The following CDH8 variants were observed in gnomAD, a reference collection of about 807,000 sequenced individuals.
CDH8 encodes the protein cadherin 8, also known as cadherin-8.
Under a neutral mutation model 68.1 loss-of-function variants are expected in CDH8, and 17 were observed. The ratio of observed to expected loss-of-function variants is 0.25; its 90% CI spans 0.17 to 0.37. CDH8 has a LOEUF of 0.37. CDH8 is among the 10% of genes least tolerant of loss of function. The pLI, the probability that CDH8 is intolerant of heterozygous loss-of-function variation, is 1.00. For synonymous variants in CDH8, 372 were observed against 365.1 expected, an observed-to-expected ratio of 1.02 and a Z score of -0.21; for missense variants, 763 against 999.3, an observed-to-expected ratio of 0.76 and a Z score of 3.19.
At chr16:61,810,791 A>T (rs1961925010) in intron 7 of CDH8, among the ~76,000 whole-genome samples, 1 of 152,066 alleles carries the variant, frequency 6.6e-6, no homozygotes, top group Non-Finnish European at 1.5e-5. Context: ...TGGGAGGCCG[A>T]GGGGGGCGGA....
chr16:61,653,788 T>A lies in CDH8; in HGVS notation c.2220A>T (p.Pro740=), dbSNP rs759914798. 4 of 1,614,104 alleles carry A rather than the reference T, an allele frequency of 2.5e-6. No homozygotes were observed. Among genetic ancestry groups the A allele is most frequent in the Non-Finnish European group, 3.4e-6 (4 of 1,180,046 alleles). The stretch of plus-strand genomic sequence containing the variant: ...AGCCATATATCTGAATGGAGTCATA[T>A]GGCGGGGCCGTGGGATCATTATCTG... The part of the protein sequence containing the change: ...HEADNDPTAP[P]YDSIQIYGYE... Residue 740 remains proline, a synonymous_variant, in exon 12 of 12, where the codon CCA becomes CCT. Transcript: ENST00000577390.
chr16:61,703,228 G>C (rs1226391770), intron 10 of CDH8, among the ~76,000 whole-genome samples: 1 of 152,032 alleles, frequency 6.6e-6, no homozygotes, highest in African/African-American at 2.4e-5. Context: ...TGTAGAATAC[G>C]TATTTATTTT....
At chr16:61,839,427 T>G (rs1272168945) in intron 4 of CDH8, among the ~76,000 whole-genome samples, 1 of 152,204 alleles carries the variant, frequency 6.6e-6, no homozygotes, top group Non-Finnish European at 1.5e-5. Context: ...CCTGAAGATC[T>G]TCATGTATTC....
chr16:61,763,780 A>T (rs1279204624), intron 8 of CDH8, among the ~76,000 whole-genome samples: 2 of 152,100 alleles, frequency 1.3e-5, no homozygotes, highest in African/African-American at 4.8e-5. Context: ...GGGAGGCATG[A>T]CTGGAAAATG....
intron 10 of CDH8, among the ~76,000 whole-genome samples, chr16:61,664,006 T>C (rs1198581510): frequency 6.6e-6 from 1 of 152,108 alleles, no homozygotes; most frequent in East Asian, 1.9e-4. Context: ...TCTGTCTTGT[T>C]CTCCAGCTTC....
intron 6 of CDH8, among the ~76,000 whole-genome samples, chr16:61,820,443 T>C (rs1286243081): frequency 6.6e-6 from 1 of 150,658 alleles, no homozygotes; most frequent in African/African-American, 2.4e-5. Flanking sequence ...GAGAGTTATA[T>C]ACAGAAAGAC....
chr16:62,020,756 CAAAAT>C (rs1363569366), intron 2 of CDH8, among the ~76,000 whole-genome samples: 1 of 152,044 alleles, frequency 6.6e-6, no homozygotes, highest in East Asian at 1.9e-4. Context: ...TAAAATAAAA[CAAAAT>C]AAACTCTCAG....
intron 2 of CDH8, among the ~76,000 whole-genome samples, chr16:61,990,818 C>T (rs551524114): frequency 1.5e-4 from 21 of 137,340 alleles, no homozygotes; most frequent in African/African-American, 4.0e-4. Flanking sequence ...ATTGAGACCC[C>T]GTCTTTAATA....
chr16:61,686,846 T>C (rs543914496), intron 10 of CDH8, among the ~76,000 whole-genome samples: 2 of 152,038 alleles, frequency 1.3e-5, no homozygotes, highest in South Asian at 2.1e-4. Flanking sequence ...CTGCATCTTG[T>C]ATGTGTCCTT....
At chr16:61,821,539 AC>A (rs1308655486) in intron 5 of CDH8, among the ~76,000 whole-genome samples, 1 of 152,086 alleles carries the variant, frequency 6.6e-6, no homozygotes, top group Non-Finnish European at 1.5e-5. Flanking sequence ...AATGTGTAAC[AC>A]ACTGGAAGTC....
intron 4 of CDH8, among the ~76,000 whole-genome samples, chr16:61,827,931 T>G (rs1174306564): frequency 1.3e-5 from 2 of 151,798 alleles, no homozygotes; most frequent in African/African-American, 4.8e-5. Flanking sequence ...ATAAATAGAA[T>G]AGTGTAAGAG....
intron 3 of CDH8, among the ~76,000 whole-genome samples, chr16:61,859,434 G>T (rs1963110155): frequency 6.6e-6 from 1 of 152,078 alleles, no homozygotes; most frequent in Non-Finnish European, 1.5e-5. Context: ...AAATATAGGG[G>T]AATTTTCATG....
intron 8 of CDH8, among the ~76,000 whole-genome samples, chr16:61,731,370 T>G (rs1959531494): frequency 1.3e-5 from 2 of 151,646 alleles, no homozygotes; most frequent in African/African-American, 2.4e-5. Flanking sequence ...AGCCCAAATT[T>G]GAACAGATCA....
intron 2 of CDH8, among the ~76,000 whole-genome samples, chr16:61,975,470 T>C (rs1178907682): frequency 6.6e-6 from 1 of 152,180 alleles, no homozygotes; most frequent in Non-Finnish European, 1.5e-5. Flanking sequence ...AGGTCTAGTG[T>C]ATGCCATAGG....
chr16:61,767,355 T>C (rs893214852), intron 8 of CDH8, among the ~76,000 whole-genome samples: 27 of 151,944 alleles, frequency 1.8e-4, no homozygotes, highest in Non-Finnish European at 2.8e-4. Context: ...GGTTGAAGAA[T>C]TACTTGGCAC....
chr16:62,032,285 TGA>T (rs1332636761), intron 1 of CDH8, among the ~76,000 whole-genome samples: 3 of 152,096 alleles, frequency 2.0e-5, no homozygotes, highest in Non-Finnish European at 4.4e-5. Context: ...AGCCAATAAA[TGA>T]GTTCGTTATC....
intron 2 of CDH8, among the ~76,000 whole-genome samples, chr16:61,969,898 T>A (rs531684410): frequency 6.6e-6 from 1 of 152,176 alleles, no homozygotes; most frequent in African/African-American, 2.4e-5. Flanking sequence ...TCCCTTGGGG[T>A]TGCTATGTGA....
chr16:61,938,248 C>A (rs546410854), intron 2 of CDH8, among the ~76,000 whole-genome samples: 1 of 152,204 alleles, frequency 6.6e-6, no homozygotes, highest in African/African-American at 2.4e-5. Context: ...ATTAATTACC[C>A]AGTCATCCCA....
rs147439151 is a variant in CDH8, at chr16:61,797,582, G to A, written c.1278-8100C>T. Among the ~76,000 whole-genome samples, 210 of 152,154 alleles carry A rather than the reference G, an allele frequency of 1.4e-3. 3 individuals are homozygous for A. Among genetic ancestry groups the A allele is most frequent in the African/African-American group, 5.0e-3 (207 of 41,536 alleles). Reference sequence around the variant, plus strand: ...CTCATCTAAAAAATGAGAACAACAGGATTGCCTTAAAAGGTTAAGGTATGC... The same window carrying A: ...CTCATCTAAAAAATGAGAACAACAGAATTGCCTTAAAAGGTTAAGGTATGC... On this transcript the variant is annotated intron_variant, in intron 7 of 11. Coordinates refer to ENST00000577390, the MANE Select transcript of CDH8 (RefSeq NM_001796.5).
Sources: allele counts gnomAD v4.1 joint callset (sites outside exome capture counted in the v4.1 genomes callset), GRCh38; gene constraint gnomAD v4.1.1; transcripts MANE v1.5; gene names NCBI Gene and HGNC (gene_info 2026-07-23, HGNC 2026-07-21).